LRP1B: variants seen among roughly 807,000 people sequenced by gnomAD.
The protein encoded by LRP1B is low-density lipoprotein receptor-related protein 1B.
Under a neutral mutation model 556.6 loss-of-function variants are expected in LRP1B, and 217 were observed. That is an observed-to-expected ratio of 0.39 (90% CI 0.35 to 0.44). The LOEUF (loss-of-function observed/expected upper bound fraction) is 0.44, where lower values mean the gene tolerates loss of function less well. Among genes scored for constraint, LRP1B ranks in the 20% least tolerant of loss-of-function variants. LRP1B has a pLI of 1.00. For synonymous variants in LRP1B, 2,047 were observed against 1,865.8 expected (o/e 1.10, Z -2.50); for missense variants, 5,053 against 5,620.8 (o/e 0.90, Z 3.23).
rs35271250 is a variant in LRP1B at position 141,756,544 on chromosome 2, TACACACAC to T, written c.205+53727_205+53734del. 3.8e-3 allele frequency among the ~76,000 whole-genome samples: 545 copies of T among 143,438 alleles called. 1 individual carries two copies. The highest frequency in any genetic ancestry group is 0.017 in the Middle Eastern group (5 of 288). 94.1% of individuals were successfully genotyped at this position (143,438 alleles called of 152,430 possible). The stretch of plus-strand genomic sequence containing the variant: ...TAAATCATGATTAAATCTCTCAAAT[TACACACAC>T]ACACACACACACACACACACACACA... On this transcript the variant is annotated intron_variant, in intron 2 of 90. Coordinates refer to ENST00000389484, the MANE Select transcript of LRP1B (RefSeq NM_018557.3).
intron 41 of LRP1B, among the ~76,000 whole-genome samples, chr2:140,602,815 C>T (rs754617462): frequency 3.3e-5 from 5 of 151,362 alleles, no homozygotes; most frequent in African/African-American, 4.9e-5. Context: ...ATTTTAGTTG[C>T]CACATGCTAG....
intron 35 of LRP1B, among the ~76,000 whole-genome samples, chr2:140,756,010 A>G (rs988355881): frequency 2.0e-5 from 3 of 152,014 alleles, no homozygotes; most frequent in African/African-American, 7.2e-5. Context: ...GCAATGTTGG[A>G]GGATAGAAGA....
At position 141,543,737 on chromosome 2, in the gene LRP1B, G is replaced by GAA. The variant is rs35889376; in HGVS notation, c.206-63206_206-63205dup. On this transcript the variant is annotated intron_variant, in intron 2 of 90. Transcript: ENST00000389484. Reference sequence around the variant, plus strand: ...AAGATCCTGTCTCTAAAAGAAAAAAGAAAAAAAAAACAAATACACAGATAA... The same window carrying GAA: ...AAGATCCTGTCTCTAAAAGAAAAAAGAAAAAAAAAAAACAAATACACAGATAA... 2.9e-3 allele frequency among the ~76,000 whole-genome samples: 420 copies of GAA among 145,022 alleles called. 3 individuals are homozygous for GAA. The highest frequency in any genetic ancestry group is 9.6e-3 in the African/African-American group (379 of 39,464).
chr2:140,933,340 T>A (rs1695109609), intron 20 of LRP1B, among the ~76,000 whole-genome samples: 1 of 152,142 alleles, frequency 6.6e-6, no homozygotes, highest in African/African-American at 2.4e-5. Context: ...TATTTCTTTA[T>A]TATCACAAAA....
chr2:140,315,153 A>C, intron 82 of LRP1B, 54 bp from the exon 83 acceptor site: 1 of 1,199,538 alleles, frequency 8.3e-7, no homozygotes, highest in South Asian at 1.6e-5. Flanking sequence ...GTAATTTAAT[A>C]AAATAATTCA....
intron 3 of LRP1B, among the ~76,000 whole-genome samples, chr2:141,330,846 A>C (rs1294917701): frequency 7.0e-6 from 1 of 143,720 alleles, no homozygotes; most frequent in African/African-American, 2.6e-5. Flanking sequence ...TCCGCCTCCC[A>C]GGCTTAGGCC....
At chr2:141,793,880 T>C (rs2105668373) in intron 2 of LRP1B, among the ~76,000 whole-genome samples, 1 of 152,026 alleles carries the variant, frequency 6.6e-6, no homozygotes, top group South Asian at 2.1e-4. Context: ...GTTTTTATCC[T>C]TACTTATTCC....
intron 67 of LRP1B, among the ~76,000 whole-genome samples, chr2:140,379,941 T>C (rs577239160): frequency 4.6e-5 from 7 of 152,256 alleles, no homozygotes; most frequent in African/African-American, 1.4e-4. Context: ...TTTTTGTTTA[T>C]ATAAGGTATT....
intron 32 of LRP1B, among the ~76,000 whole-genome samples, chr2:140,785,170 A>G (rs1025501541): frequency 1.3e-5 from 2 of 152,284 alleles, no homozygotes; most frequent in South Asian, 2.1e-4. Flanking sequence ...TTTGATACCA[A>G]ATTATTTCCA....
At chr2:141,854,534 T>G (rs752019450) in intron 1 of LRP1B, among the ~76,000 whole-genome samples, 1 of 152,080 alleles carries the variant, frequency 6.6e-6, no homozygotes, top group Non-Finnish European at 1.5e-5. Flanking sequence ...TTTTGATGCT[T>G]TCCACCTGCA....
intron 67 of LRP1B, among the ~76,000 whole-genome samples, chr2:140,380,152 G>A (rs148109976): frequency 2.4e-4 from 36 of 152,216 alleles, no homozygotes; most frequent in Non-Finnish European, 4.1e-4. Context: ...TTTAAGATGC[G>A]TAAATTGAGG....
At chr2:141,970,032 A>G (rs1479888098) in intron 1 of LRP1B, among the ~76,000 whole-genome samples, 1 of 151,526 alleles carries the variant, frequency 6.6e-6, no homozygotes, top group Non-Finnish European at 1.5e-5. Flanking sequence ...AAGATTAGCA[A>G]TGATAAGCTT....
chr2:140,345,502 C>T (rs1015445947), intron 77 of LRP1B, among the ~76,000 whole-genome samples: 5 of 151,086 alleles, frequency 3.3e-5, no homozygotes, highest in Non-Finnish European at 7.4e-5. Context: ...TTTAATTTTG[C>T]TTGAGAGCTT....
intron 7 of LRP1B, among the ~76,000 whole-genome samples, chr2:141,140,224 G>A (rs936264646): frequency 2.0e-5 from 3 of 152,044 alleles, no homozygotes; most frequent in African/African-American, 7.2e-5. Context: ...GTTTAGGAGA[G>A]ATGTACAGGA....
At chr2:141,243,625 A>G (rs1683961730) in intron 5 of LRP1B, among the ~76,000 whole-genome samples, 1 of 152,008 alleles carries the variant, frequency 6.6e-6, no homozygotes, top group South Asian at 2.1e-4. Flanking sequence ...CTTAAATTAA[A>G]ATTACTTTAA....
At chr2:140,926,960 C>T (rs1173522271) in intron 20 of LRP1B, among the ~76,000 whole-genome samples, 3 of 152,028 alleles carry the variant, frequency 2.0e-5, no homozygotes, top group African/African-American at 7.2e-5. Flanking sequence ...TTCATTACAT[C>T]AGATTGAACC....
intron 1 of LRP1B, among the ~76,000 whole-genome samples, chr2:142,080,481 C>G (rs1201162845): frequency 6.6e-6 from 1 of 151,922 alleles, no homozygotes; most frequent in African/African-American, 2.4e-5. Flanking sequence ...ACTTTGTTAC[C>G]ATTCAGCATT....
intron 41 of LRP1B, among the ~76,000 whole-genome samples, chr2:140,637,646 T>A (rs1684118212): frequency 6.6e-6 from 1 of 152,124 alleles, no homozygotes; most frequent in Admixed American, 6.6e-5. Flanking sequence ...GTGGAATCCG[T>A]GCCAGGTGCC....
intron 1 of LRP1B, among the ~76,000 whole-genome samples, chr2:142,101,319 T>C (rs1404635090): frequency 2.6e-5 from 4 of 151,998 alleles, no homozygotes; most frequent in Non-Finnish European, 5.9e-5. Flanking sequence ...TTAGGTAACA[T>C]GTGAGTTACA....
Sources: gnomAD v4.1 joint callset for allele counts (sites outside exome capture counted in the v4.1 genomes callset) on GRCh38, gnomAD v4.1.1 for gene constraint, MANE v1.5 for transcripts, NCBI Gene and HGNC (gene_info 2026-07-23, HGNC 2026-07-21) for gene names.